Variants in ANAPC10 observed in about 807,000 individuals in gnomAD.
ANAPC10 encodes the protein anaphase promoting complex subunit 10.
Under a neutral mutation model 22.0 loss-of-function variants are expected in ANAPC10, and 12 were observed. The ratio of observed to expected loss-of-function variants is 0.55; its 90% confidence interval spans 0.35 to 0.88. The LOEUF is 0.88. Among genes scored for constraint, ANAPC10 ranks in the 40% least tolerant of loss-of-function variants. The probability of loss-of-function intolerance (pLI) is 0.01; values close to 1 mark genes in which losing one functional copy is unlikely to be tolerated. For missense variants in ANAPC10, 188 were observed against 220.9 expected, an observed-to-expected ratio of 0.85 and a Z score of 0.94; for synonymous variants, 65 against 69.5, an observed-to-expected ratio of 0.94 and a Z score of 0.32.
intron 4 of ANAPC10, among the ~76,000 whole-genome samples, chr4:144,996,935 A>G (rs1267644032): frequency 1.3e-5 from 2 of 152,212 alleles, no homozygotes; most frequent in Non-Finnish European, 2.9e-5. Flanking sequence ...GAACTATGTG[A>G]CGCATGCACA....
intron 3 of ANAPC10, among the ~76,000 whole-genome samples, chr4:145,076,957 T>C (rs2126559375): frequency 6.6e-6 from 1 of 152,256 alleles, no homozygotes; most frequent in South Asian, 2.1e-4. Context: ...CCCAGCACTT[T>C]GGGAGGCCAA....
At chr4:145,060,790 G>GT (rs1381876555) in intron 4 of ANAPC10, among the ~76,000 whole-genome samples, 7 of 151,826 alleles carry the variant, frequency 4.6e-5, no homozygotes, top group South Asian at 4.1e-4. Flanking sequence ...AAGCAGCAAA[G>GT]TTTTTTTTAT....
chr4:145,044,971 G>A (rs1160151647), intron 4 of ANAPC10, among the ~76,000 whole-genome samples: 11 of 151,554 alleles, frequency 7.3e-5, no homozygotes, highest in Non-Finnish European at 1.3e-4. Flanking sequence ...ATAAACATTC[G>A]GAAGTTTTTT....
At chr4:145,028,209 AG>A (rs1737035957) in intron 4 of ANAPC10, among the ~76,000 whole-genome samples, 1 of 152,160 alleles carries the variant, frequency 6.6e-6, no homozygotes, top group African/African-American at 2.4e-5. Flanking sequence ...GGTCTGAGGA[AG>A]GCAGATCCAG....
chr4:145,005,894 T>G (rs1201177552), intron 4 of ANAPC10, among the ~76,000 whole-genome samples: 1 of 151,958 alleles, frequency 6.6e-6, no homozygotes, highest in Non-Finnish European at 1.5e-5. Context: ...AATTTTATAG[T>G]ATGTGCCACA....
chr4:144,996,835 CT>C (rs1161387147), intron 4 of ANAPC10, among the ~76,000 whole-genome samples: 1 of 152,164 alleles, frequency 6.6e-6, no homozygotes, highest in East Asian at 1.9e-4. Context: ...AGCTAAAAAC[CT>C]TGAAAAAAGA....
intron 4 of ANAPC10, among the ~76,000 whole-genome samples, chr4:145,013,776 C>T (rs1415235453): frequency 2.0e-5 from 3 of 152,122 alleles, no homozygotes; most frequent in Non-Finnish European, 4.4e-5. Context: ...ACTGCAGAAG[C>T]AGAAAAGGAA....
intron 4 of ANAPC10, among the ~76,000 whole-genome samples, chr4:145,055,390 T>C (rs1414067406): frequency 6.6e-6 from 1 of 152,046 alleles, no homozygotes; most frequent in Non-Finnish European, 1.5e-5. Context: ...AAACCCTGTC[T>C]ACACTAAAAA....
chr4:145,024,788 A>G (rs989564090), intron 4 of ANAPC10, among the ~76,000 whole-genome samples: 1 of 152,216 alleles, frequency 6.6e-6, no homozygotes, highest in African/African-American at 2.4e-5. Context: ...CAGCTGCATC[A>G]GCCCCTAACA....
chr4:145,067,058 T>C (rs111840306), intron 3 of ANAPC10, among the ~76,000 whole-genome samples: 2,759 of 152,292 alleles, frequency 0.018, 95 homozygotes, highest in African/African-American at 0.063. Context: ...ATACATAGTT[T>C]CATTAAATTT....
At chr4:145,045,020 A>G (rs1269736959) in intron 4 of ANAPC10, among the ~76,000 whole-genome samples, 1 of 152,032 alleles carries the variant, frequency 6.6e-6, no homozygotes, top group African/African-American at 2.4e-5. Context: ...ACTTTTGCTT[A>G]TATGTTTATA....
chr4:145,037,098 G>A (rs1200518529), intron 4 of ANAPC10, among the ~76,000 whole-genome samples: 3 of 150,196 alleles, frequency 2.0e-5, no homozygotes, highest in Admixed American at 6.7e-5. Flanking sequence ...GAAACACTAA[G>A]GACCCAACAG....
intron 4 of ANAPC10, among the ~76,000 whole-genome samples, chr4:145,001,228 G>A (rs535255533): frequency 8.9e-6 from 1 of 112,976 alleles, no homozygotes; most frequent in Non-Finnish European, 1.7e-5. Context: ...GGGAGGGAGG[G>A]AAGGAGGGAG....
intron 3 of ANAPC10, among the ~76,000 whole-genome samples, chr4:145,067,898 G>A (rs181577106): frequency 6.6e-6 from 1 of 152,314 alleles, no homozygotes; most frequent in East Asian, 1.9e-4. Context: ...TAAACAAAAT[G>A]ATGGTGTGTA....
chr4:145,035,358 A>G (rs1738355524), intron 4 of ANAPC10: 1 of 152,234 alleles, frequency 6.6e-6, no homozygotes, highest in Non-Finnish European at 1.5e-5. Flanking sequence ...CAGAATCCCC[A>G]AACAAGCTCT....
chr4:145,047,498 C>T (rs931009008), intron 4 of ANAPC10, among the ~76,000 whole-genome samples: 5 of 152,128 alleles, frequency 3.3e-5, no homozygotes, highest in African/African-American at 1.2e-4. Context: ...AATCCTGAAC[C>T]TGGTCAACAG....
chr4:145,014,700 T>A (rs1734841180), intron 4 of ANAPC10, among the ~76,000 whole-genome samples: 1 of 152,092 alleles, frequency 6.6e-6, no homozygotes, highest in Non-Finnish European at 1.5e-5. Flanking sequence ...CACTGCCACC[T>A]CCACTGGAAT....
intron 2 of ANAPC10, among the ~76,000 whole-genome samples, chr4:145,094,377 T>C (rs1210950080): frequency 6.6e-6 from 1 of 152,214 alleles, no homozygotes; most frequent in East Asian, 1.9e-4. Context: ...TGTGGGATGA[T>C]GGCAATGTTA....
chr4:145,088,948 C>A (rs544380017), intron 2 of ANAPC10, among the ~76,000 whole-genome samples: 1 of 152,152 alleles, frequency 6.6e-6, no homozygotes, highest in African/African-American at 2.4e-5. Flanking sequence ...CTCTAAAATG[C>A]CAAATCAACT....
Sources: gnomAD v4.1 joint callset for allele counts (sites outside exome capture counted in the v4.1 genomes callset) on GRCh38, gnomAD v4.1.1 for gene constraint, MANE v1.5 for transcripts, NCBI Gene and HGNC (gene_info 2026-07-23, HGNC 2026-07-21) for gene names.